EPB41L2: variants seen among roughly 807,000 people sequenced by gnomAD.
EPB41L2 encodes erythrocyte membrane protein band 4.1 like 2, also known as band 4.1-like protein 2.
Under a neutral mutation model 113.0 loss-of-function variants are expected in EPB41L2, and 43 were observed. The observed-to-expected ratio is 0.38, with a 90% CI of 0.30 to 0.49. The LOEUF (loss-of-function observed/expected upper bound fraction) is 0.49. EPB41L2 is among the 20% of genes least tolerant of loss of function. The pLI is 0.95. For missense variants in EPB41L2, 1,147 were observed against 1,223.4 expected (o/e 0.94, Z 0.93); for synonymous variants, 442 against 436.7 (o/e 1.01, Z -0.15).
chr6:130,922,249 T>C (rs528055731), intron 4 of EPB41L2, among the ~76,000 whole-genome samples: 1 of 152,304 alleles, frequency 6.6e-6, no homozygotes, highest in Non-Finnish European at 1.5e-5. Context: ...CTTAAATTTG[T>C]TGACAATATA....
intron 14 of EPB41L2, among the ~76,000 whole-genome samples, chr6:130,875,186 A>G (rs17059751): frequency 0.025 from 3,842 of 152,156 alleles, 168 homozygotes; most frequent in African/African-American, 0.085. Flanking sequence ...TCTGATGAAT[A>G]CTCTCTACCA....
Position 130,840,517 on chromosome 6 carries a change from T to C in EPB41L2, c.*87A>G, listed in dbSNP as rs560608512. The stretch of plus-strand genomic sequence containing the variant: ...CAGTTGTAGCATAAATTCGCTGGAA[T>C]AGTGGTGTGGCATTAAGACTTGGAA... On this transcript the variant is annotated 3_prime_UTR_variant, in exon 20 of 20. Transcript: ENST00000337057. 75 of 151,426 alleles carry C rather than the reference T, an allele frequency of 5.0e-4. No homozygotes were observed. Among genetic ancestry groups the C allele is most frequent in the African/African-American group, 1.6e-3 (67 of 41,242 alleles). 9.4% of individuals were successfully genotyped at this position (151,426 alleles called of 1,614,324 possible). A position where few individuals can be genotyped will look rare whatever the true frequency, so the allele number is the denominator to read the frequency against.
At chr6:130,872,408 T>C in intron 14 of EPB41L2, 1 of 1,289,268 alleles carries the variant, frequency 7.8e-7, no homozygotes, top group South Asian at 1.2e-5. Context: ...AGAAAGCTTT[T>C]CAGAAGGTGC....
chr6:130,842,404 G>T (rs907518941), intron 19 of EPB41L2, among the ~76,000 whole-genome samples: 1 of 152,110 alleles, frequency 6.6e-6, no homozygotes, highest in African/African-American at 2.4e-5. Flanking sequence ...AATCAAATTG[G>T]ATTTGGCAGT....
At chr6:130,917,008 A>C (rs1801320414) in intron 4 of EPB41L2, among the ~76,000 whole-genome samples, 1 of 152,254 alleles carries the variant, frequency 6.6e-6, no homozygotes, top group African/African-American at 2.4e-5. Flanking sequence ...GGCAGGGCAC[A>C]GTTTCCACAT....
intron 2 of EPB41L2, 68 bp from the exon 3 acceptor site, chr6:130,955,385 G>A: frequency 7.0e-7 from 1 of 1,420,388 alleles, no homozygotes; most frequent in Non-Finnish European, 9.7e-7. Flanking sequence ...ATACTAAAAG[G>A]AAAATCTTTC....
intron 1 of EPB41L2, among the ~76,000 whole-genome samples, chr6:131,037,012 A>T (rs1339262583): frequency 6.6e-6 from 1 of 152,222 alleles, no homozygotes; most frequent in Non-Finnish European, 1.5e-5. Flanking sequence ...TCCATTGAAG[A>T]ATCTGTCTCA....
intron 1 of EPB41L2, among the ~76,000 whole-genome samples, chr6:131,009,523 C>A (rs1166043885): frequency 6.6e-6 from 1 of 152,038 alleles, no homozygotes; most frequent in Admixed American, 6.5e-5. Flanking sequence ...ATATTTCACA[C>A]CTGTACATAA....
chr6:130,956,535 G>GT (rs1350211949), intron 1 of EPB41L2, 36 bp from the exon 2 acceptor site: 1 of 1,548,684 alleles, frequency 6.5e-7, no homozygotes, highest in African/African-American at 1.4e-5. Flanking sequence ...ATGTCATTTT[G>GT]TAAGTTCTCT....
intron 14 of EPB41L2, 90 bp downstream of exon 14, chr6:130,878,014 A>G: frequency 7.8e-7 from 1 of 1,276,242 alleles, no homozygotes; most frequent in Non-Finnish European, 1.0e-6. Context: ...AACATTTTGT[A>G]ACTTCCCTAG....
At position 130,908,813 on chromosome 6, in the gene EPB41L2, A is replaced by G. The variant is rs374004256; in HGVS notation, c.853+8T>C. ...TTAACTTCAAAGAATGATTATTTAT[A>G]TACTTACTTCTCAGTTGTCTCTTTA... On this transcript the variant is annotated splice_region_variant and intron_variant, in intron 5 of 19. Transcript: ENST00000337057. The G allele has an allele frequency of 1.3e-6, 2 of 1,591,442 alleles. No homozygotes were observed. The highest frequency in any genetic ancestry group is 1.4e-5 in the African/African-American group (1 of 74,070).
intron 1 of EPB41L2, among the ~76,000 whole-genome samples, chr6:130,987,736 T>C (rs1169995610): frequency 6.6e-6 from 1 of 150,644 alleles, no homozygotes; most frequent in African/African-American, 2.4e-5. Flanking sequence ...TGAATGAATG[T>C]TGTTCTGAGA....
At chr6:131,032,114 A>G (rs553148093) in intron 1 of EPB41L2, among the ~76,000 whole-genome samples, 1 of 152,328 alleles carries the variant, frequency 6.6e-6, no homozygotes, top group African/African-American at 2.4e-5. Flanking sequence ...TTATAGTCCC[A>G]TATAGTCTCA....
At chr6:130,920,666 G>A (rs1802584089) in intron 4 of EPB41L2, among the ~76,000 whole-genome samples, 1 of 151,904 alleles carries the variant, frequency 6.6e-6, no homozygotes, top group Non-Finnish European at 1.5e-5. Context: ...ATGCCACTAT[G>A]CCTGGCTAAT....
intron 1 of EPB41L2, among the ~76,000 whole-genome samples, chr6:130,957,474 C>T (rs1019664894): frequency 6.6e-6 from 1 of 152,120 alleles, no homozygotes; most frequent in Non-Finnish European, 1.5e-5. Flanking sequence ...CCCTGGACAA[C>T]GAGTAGTGTC....
chr6:130,991,762 TG>T (rs1781922691), intron 1 of EPB41L2, among the ~76,000 whole-genome samples: 1 of 152,244 alleles, frequency 6.6e-6, no homozygotes, highest in Non-Finnish European at 1.5e-5. Context: ...AACATGAAGA[TG>T]CATATGTGCT....
intron 8 of EPB41L2, among the ~76,000 whole-genome samples, chr6:130,898,690 G>T (rs1021231429): frequency 6.6e-6 from 1 of 151,886 alleles, no homozygotes. Context: ...TTAGTATACC[G>T]AACGTTTATG....
chr6:130,911,213 A>G (rs986154919), intron 4 of EPB41L2, among the ~76,000 whole-genome samples: 1 of 152,194 alleles, frequency 6.6e-6, no homozygotes, highest in Non-Finnish European at 1.5e-5. Context: ...GGATGAGTTC[A>G]TGTCCTTTGC....
intron 11 of EPB41L2, among the ~76,000 whole-genome samples, chr6:130,888,076 C>A (rs752580914): frequency 2.0e-5 from 3 of 151,990 alleles, no homozygotes; most frequent in Non-Finnish European, 4.4e-5. Flanking sequence ...TTATTCTAGC[C>A]TTACTTAAAA....
Sources: gnomAD v4.1 joint callset for allele counts (sites outside exome capture counted in the v4.1 genomes callset) on GRCh38, gnomAD v4.1.1 for gene constraint, MANE v1.5 for transcripts, NCBI Gene and HGNC (gene_info 2026-07-23, HGNC 2026-07-21) for gene names.